The following SGCZ variants were observed in gnomAD, a reference collection of about 807,000 sequenced individuals.
SGCZ encodes zeta-sarcoglycan.
Under a neutral mutation model 41.3 loss-of-function variants are expected in SGCZ, and 40 were observed. The ratio of observed to expected loss-of-function variants is 0.97; its 90% CI spans 0.75 to 1.26. The LOEUF (loss-of-function observed/expected upper bound fraction) is 1.26, where lower values mean the gene tolerates loss of function less well. Ranked by LOEUF, SGCZ falls within the 50% of genes most tolerant of loss-of-function variation. The pLI, the probability that SGCZ is intolerant of heterozygous loss-of-function variation, is 0.00. For synonymous variants in SGCZ, 206 were observed against 137.5 expected, an observed-to-expected ratio of 1.50 and a Z score of -3.49; for missense variants, 552 against 369.8, an observed-to-expected ratio of 1.49 and a Z score of -4.04.
intron 1 of SGCZ, among the ~76,000 whole-genome samples, chr8:15,201,277 A>G (rs1285557567): frequency 6.6e-6 from 1 of 152,128 alleles, no homozygotes; most frequent in African/African-American, 2.4e-5. Context: ...TCAGCCTCCC[A>G]AAGTGTTGGG....
chr8:14,697,339 T>C (rs1563209080), intron 1 of SGCZ, among the ~76,000 whole-genome samples: 1 of 151,980 alleles, frequency 6.6e-6, no homozygotes, highest in African/African-American at 2.4e-5. Flanking sequence ...ATCATACCTA[T>C]CTCATTAGAT....
Position 14,105,976 on chromosome 8 carries a change from TA to T in SGCZ, c.620+2186del, listed in dbSNP as rs58780385. On this transcript the variant is annotated intron_variant, in intron 6 of 7. Coordinates refer to ENST00000382080, the MANE Select transcript of SGCZ (RefSeq NM_139167.4). ...ATAAATGTATTTTAAGTTTATTGAA[TA>T]AATTGGTAAACAGCTGTGTCTATAT... Among the ~76,000 whole-genome samples, 271 of 152,294 alleles carry T rather than the reference TA, an allele frequency of 1.8e-3. 2 individuals carry two copies. Among genetic ancestry groups the T allele is most frequent in the African/African-American group, 6.1e-3 (254 of 41,566 alleles).
intron 1 of SGCZ, among the ~76,000 whole-genome samples, chr8:14,799,583 C>T (rs963690846): frequency 2.6e-5 from 4 of 152,118 alleles, no homozygotes; most frequent in African/African-American, 4.8e-5. Flanking sequence ...AGCATTTGAC[C>T]TCTGTACTCA....
chr8:14,114,183 C>G (rs1802454561), intron 5 of SGCZ, among the ~76,000 whole-genome samples: 1 of 151,922 alleles, frequency 6.6e-6, no homozygotes, highest in African/African-American at 2.4e-5. Context: ...AGTTAAGGAT[C>G]AGTAAATTAA....
At chr8:14,470,173 T>C (rs1801174332) in intron 2 of SGCZ, among the ~76,000 whole-genome samples, 1 of 152,074 alleles carries the variant, frequency 6.6e-6, no homozygotes, top group Non-Finnish European at 1.5e-5. Flanking sequence ...TCCACTACTT[T>C]ATATGTGGGA....
At chr8:15,083,487 T>C (rs1263221888) in intron 1 of SGCZ, among the ~76,000 whole-genome samples, 1 of 152,198 alleles carries the variant, frequency 6.6e-6, no homozygotes, top group Non-Finnish European at 1.5e-5. Flanking sequence ...AGTTAACATA[T>C]GTGTTTACTG....
chr8:14,728,277 G>A (rs1810123737), intron 1 of SGCZ, among the ~76,000 whole-genome samples: 1 of 148,756 alleles, frequency 6.7e-6, no homozygotes, highest in Non-Finnish European at 1.5e-5. Flanking sequence ...AGCAGAAAAT[G>A]TATAACCTTA....
intron 1 of SGCZ, among the ~76,000 whole-genome samples, chr8:14,750,192 G>A (rs1799455372): frequency 6.6e-6 from 1 of 151,890 alleles, no homozygotes; most frequent in African/African-American, 2.4e-5. Context: ...AGAAACATAA[G>A]CAGATGGAAA....
At chr8:14,981,173 A>C (rs1801651956) in intron 1 of SGCZ, among the ~76,000 whole-genome samples, 1 of 152,168 alleles carries the variant, frequency 6.6e-6, no homozygotes, top group Admixed American at 6.5e-5. Flanking sequence ...AAACCCTTCT[A>C]TCCTTGTTTA....
intron 1 of SGCZ, among the ~76,000 whole-genome samples, chr8:14,722,490 T>C (rs892581550): frequency 2.6e-5 from 4 of 152,078 alleles, no homozygotes; most frequent in Admixed American, 1.3e-4. Context: ...ATTTTCTTAA[T>C]ATGTTGACAT....
intron 1 of SGCZ, among the ~76,000 whole-genome samples, chr8:14,577,712 G>A (rs578029807): frequency 1.3e-5 from 2 of 152,194 alleles, no homozygotes; most frequent in South Asian, 4.1e-4. Flanking sequence ...AAAGTGGAGA[G>A]AAATTCAACA....
intron 5 of SGCZ, among the ~76,000 whole-genome samples, chr8:14,131,859 A>G (rs1231326965): frequency 6.6e-6 from 1 of 152,192 alleles, no homozygotes; most frequent in African/African-American, 2.4e-5. Flanking sequence ...TATTCAATAC[A>G]GTGACATGCT....
In SGCZ at chr8:14,086,784, A is replaced by T. The variant is rs2116940012; in HGVS notation, c.*3659T>A. 6.6e-6 allele frequency among the ~76,000 whole-genome samples: 1 copy of T among 151,842 alleles called. No homozygotes were observed. The highest frequency in any genetic ancestry group is 2.1e-4 in the South Asian group (1 of 4,830). On this transcript the variant is annotated 3_prime_UTR_variant, in exon 8 of 8. Coordinates refer to ENST00000382080, the MANE Select transcript of SGCZ (RefSeq NM_139167.4). ...GAAGTAGCGTGCCAAAAAGGTTTGT[A>T]TTTCAACTTTTATAAGCAGCTTTTT...
At chr8:14,926,307 C>T (rs1799748354) in intron 1 of SGCZ, among the ~76,000 whole-genome samples, 1 of 152,136 alleles carries the variant, frequency 6.6e-6, no homozygotes, top group Admixed American at 6.5e-5. Flanking sequence ...CATCATGTTT[C>T]ATTTGCACAA....
chr8:14,501,176 A>G (rs1369495268), intron 2 of SGCZ, among the ~76,000 whole-genome samples: 1 of 151,846 alleles, frequency 6.6e-6, no homozygotes, highest in Admixed American at 6.6e-5. Context: ...ATTTTAAGCC[A>G]GGAGTGTAGT....
chr8:15,151,796 T>C lies in SGCZ; in HGVS notation c.39+85789A>G, dbSNP rs144462052. On this transcript the variant is annotated intron_variant, in intron 1 of 7. Transcript: ENST00000382080. ...TATATTGAATTAAGAAGTCAATGAA[T>C]GAATTTTCCAACAGTAACCCTGTTT... is the stretch of plus-strand genomic sequence containing the variant. 9.4e-3 allele frequency among the ~76,000 whole-genome samples: 1,437 copies of C among 152,362 alleles called. 74 individuals are homozygous for C. The highest frequency in any genetic ancestry group is 0.085 in the Admixed American group (1,294 of 15,306).
intron 4 of SGCZ, among the ~76,000 whole-genome samples, chr8:14,187,843 G>T: frequency 6.6e-6 from 1 of 151,948 alleles, no homozygotes; most frequent in Non-Finnish European, 1.5e-5. Context: ...AAAACTCAGA[G>T]AAATTCAAAT....
At chr8:15,200,961 A>C (rs1303387481) in intron 1 of SGCZ, among the ~76,000 whole-genome samples, 1 of 152,150 alleles carries the variant, frequency 6.6e-6, no homozygotes, top group Non-Finnish European at 1.5e-5. Flanking sequence ...CTCTATTTTC[A>C]GTAAAAATAA....
At chr8:14,736,471 CTTTTA>C (rs1052126090) in intron 1 of SGCZ, among the ~76,000 whole-genome samples, 5 of 152,056 alleles carry the variant, frequency 3.3e-5, no homozygotes, top group African/African-American at 7.2e-5. Context: ...GGATAAATGA[CTTTTA>C]TTTTATTTTA....
Sources: gnomAD v4.1 joint callset for allele counts (sites outside exome capture counted in the v4.1 genomes callset) on GRCh38, gnomAD v4.1.1 for gene constraint, MANE v1.5 for transcripts, NCBI Gene and HGNC (gene_info 2026-07-23, HGNC 2026-07-21) for gene names.